Variants in LY75 observed in about 807,000 individuals in gnomAD.
The protein encoded by LY75 is C-type lectin domain family 13 member B.
Under a neutral mutation model 231.7 loss-of-function variants are expected in LY75, and 185 were observed. The ratio of observed to expected loss-of-function variants is 0.80; its 90% confidence interval spans 0.71 to 0.90. LY75 has a LOEUF of 0.90. LY75 is among the 40% of genes least tolerant of loss of function. The pLI is 0.00. For synonymous variants in LY75, 668 were observed against 689.0 expected (o/e 0.97, Z 0.48); for missense variants, 1,947 against 2,050.2 (o/e 0.95, Z 0.97).
At chr2:159,869,114 A>G (rs1684935782) in intron 13 of LY75, among the ~76,000 whole-genome samples, 1 of 152,134 alleles carries the variant, frequency 6.6e-6, no homozygotes, top group Non-Finnish European at 1.5e-5. Context: ...ACACTTGGAC[A>G]CAGGGCGGGG....
chr2:159,857,761 G>A (rs959895826), intron 16 of LY75, among the ~76,000 whole-genome samples: 1 of 152,084 alleles, frequency 6.6e-6, no homozygotes, highest in Non-Finnish European at 1.5e-5. Context: ...ATAATAATTT[G>A]AGAATTAAAG....
rs1027122873 is a variant in LY75 at position 159,860,859 on chromosome 2, G to A, written c.2230C>T (p.Gln744Ter). ...CAGTCTCTGATGTCATAATCCTGCT[G>A]AAACTCATTTGGCATGATAATAGTA... ...VSTIIMPNEF[Q>*]QDYDIRDCAA... Residue 744 changes from glutamine to a stop codon, truncating the protein, a stop_gained, in exon 15 of 35, where the codon CAG becomes TAG. Transcript: ENST00000263636. LOFTEE classifies it high-confidence loss of function. The A allele has an allele frequency of 6.2e-7, 1 of 1,613,976 alleles. No homozygotes were observed.
intron 29 of LY75, among the ~76,000 whole-genome samples, chr2:159,818,745 T>C (rs373645791): frequency 6.6e-6 from 1 of 152,108 alleles, no homozygotes; most frequent in Non-Finnish European, 1.5e-5. Context: ...TGTACTATCT[T>C]TGCAACTTTT....
In LY75 at chr2:159,894,106, G is replaced by T. The variant is rs55954720; in HGVS notation, c.467-22C>A. On this transcript the variant is annotated intron_variant, in intron 2 of 34. Transcript: ENST00000263636. Reference sequence around the variant, plus strand: ...ATCTCTGGGTTGGAGAGGAAGTTGGGGAAAAGAGAGTTAAAAACTGGGTAG... The same window carrying T: ...ATCTCTGGGTTGGAGAGGAAGTTGGTGAAAAGAGAGTTAAAAACTGGGTAG... 2.1e-3 allele frequency: 3,228 copies of T among 1,567,032 alleles called. 8 individuals carry two copies. Among genetic ancestry groups the T allele is most frequent in the Non-Finnish European group, 2.6e-3 (2,973 of 1,159,036 alleles).
intron 6 of LY75, among the ~76,000 whole-genome samples, chr2:159,884,030 G>A (rs1196736123): frequency 1.3e-5 from 2 of 152,160 alleles, no homozygotes; most frequent in Non-Finnish European, 2.9e-5. Flanking sequence ...AAAGGTAATT[G>A]AATCATGGGG....
In LY75 at chr2:159,807,133, A is replaced by G; in HGVS notation, c.4830T>C (p.Ser1610=). Reference sequence around the variant, plus strand: ...CTTCTGATCCATCTAACCAACTCCAAGACTGGTCTGAAGAAAGAAATTAAA... The same window carrying G: ...CTTCTGATCCATCTAACCAACTCCAGGACTGGTCTGAAGAAAGAAATTAAA... The part of the protein sequence containing the change: ...LGLSQHSVDQ[S]WSWLDGSEVT... The change falls in exon 34 of 35, where the codon TCT becomes TCC. Residue 1610 remains serine, a synonymous_variant. Coordinates refer to ENST00000263636, the MANE Select transcript of LY75 (RefSeq NM_002349.4). 1 of 1,610,686 alleles carries G rather than the reference A, an allele frequency of 6.2e-7. No homozygotes were observed. Among genetic ancestry groups the G allele is most frequent in the Middle Eastern group, 1.7e-4 (1 of 6,044 alleles).
intron 28 of LY75, among the ~76,000 whole-genome samples, chr2:159,826,798 C>A (rs550081666): frequency 4.6e-5 from 7 of 152,212 alleles, no homozygotes; most frequent in Admixed American, 1.3e-4. Flanking sequence ...TCAGAAATAA[C>A]ACCACACATC....
chr2:159,843,424 T>C (rs1684103019), intron 23 of LY75, among the ~76,000 whole-genome samples: 1 of 151,346 alleles, frequency 6.6e-6, no homozygotes, highest in South Asian at 2.1e-4. Flanking sequence ...ATAATTGTCA[T>C]AACGAAAAAT....
intron 31 of LY75, among the ~76,000 whole-genome samples, chr2:159,811,472 A>T (rs1462992563): frequency 1.3e-5 from 2 of 152,346 alleles, no homozygotes; most frequent in East Asian, 3.9e-4. Flanking sequence ...ACTGGAAAGT[A>T]AATTGTCAAT....
At chr2:159,809,249 A>G (rs1484707319) in intron 32 of LY75, among the ~76,000 whole-genome samples, 1 of 152,182 alleles carries the variant, frequency 6.6e-6, no homozygotes, top group East Asian at 1.9e-4. Flanking sequence ...GGTCTTTGAA[A>G]TACTCTAGGT....
At chr2:159,822,913 GC>G (rs1683342601) in intron 28 of LY75, among the ~76,000 whole-genome samples, 1 of 152,106 alleles carries the variant, frequency 6.6e-6, no homozygotes, top group African/African-American at 2.4e-5. Flanking sequence ...GAAAAGAATA[GC>G]ATGTCCACTC....
At chr2:159,875,676 T>C in intron 11 of LY75, 33 bp from the exon 12 acceptor site, 2 of 1,609,718 alleles carry the variant, frequency 1.2e-6, no homozygotes, top group Non-Finnish European at 1.7e-6. Context: ...AATTAAAAAT[T>C]AAAACGTTAA....
intron 28 of LY75, among the ~76,000 whole-genome samples, chr2:159,829,456 T>C (rs186346251): frequency 6.6e-6 from 1 of 152,346 alleles, no homozygotes; most frequent in Non-Finnish European, 1.5e-5. Context: ...TTTCTATTCA[T>C]GGCCCTGCTA....
intron 23 of LY75, among the ~76,000 whole-genome samples, chr2:159,845,484 C>T (rs1268708404): frequency 1.3e-5 from 2 of 151,076 alleles, no homozygotes; most frequent in Admixed American, 1.3e-4. Context: ...TACAGTCAGC[C>T]CTTCATATCC....
At chr2:159,869,189 A>G (rs1197432860) in intron 13 of LY75, among the ~76,000 whole-genome samples, 1 of 152,036 alleles carries the variant, frequency 6.6e-6, no homozygotes, top group Non-Finnish European at 1.5e-5. Context: ...TAGGAGAAAT[A>G]CCTAATGTAA....
At position 159,880,918 on chromosome 2, in the gene LY75, C is replaced by A. The variant is rs113408865; in HGVS notation, c.1404+165G>T. ...TACCCGCCGCTCACCTCCTGCTGTG[C>A]GGCCCAATTCTTAACAGGTAATGGT... On this transcript the variant is annotated intron_variant, in intron 8 of 34. Transcript: ENST00000263636. Among the ~76,000 whole-genome samples, 18 of 152,312 alleles carry A rather than the reference C, an allele frequency of 1.2e-4. 1 individual carries two copies. Among genetic ancestry groups the A allele is most frequent in the African/African-American group, 3.8e-4 (16 of 41,572 alleles).
intron 27 of LY75, among the ~76,000 whole-genome samples, chr2:159,833,455 C>A (rs1683727940): frequency 6.6e-6 from 1 of 152,164 alleles, no homozygotes; most frequent in African/African-American, 2.4e-5. Context: ...GCCTTCCTTA[C>A]AAACATAGAC....
Position 159,816,812 on chromosome 2 carries a change from A to T in LY75, c.4374T>A (p.Ser1458Arg), listed in dbSNP as rs758778852. The T allele has an allele frequency of 6.2e-7, 1 of 1,613,560 alleles. No homozygotes were observed. Among genetic ancestry groups the T allele is most frequent in the South Asian group, 1.1e-5 (1 of 90,996 alleles). Residue 1458 changes from serine (S) to arginine (R), a missense_variant, in exon 30 of 35, where the codon AGT becomes AGA. Physicochemically the swap from Ser to Arg is moderately radical, Grantham distance 110. Coordinates refer to ENST00000263636, the MANE Select transcript of LY75 (RefSeq NM_002349.4). Reference sequence around the variant, plus strand: ...AAAACGAAGCAAGACTTACATCATGACTTGAGAGCCCAACCCATAGTGGAA... The same window carrying T: ...AAAACGAAGCAAGACTTACATCATGTCTTGAGAGCCCAACCCATAGTGGAA... ...DGFPLWVGLS[S>R]HDGSESSFEW... is the part of the protein sequence containing the mutation.
chr2:159,865,020 C>T, intron 13 of LY75, 100 bp from the exon 14 acceptor site: 1 of 1,069,122 alleles, frequency 9.4e-7, no homozygotes, highest in Non-Finnish European at 1.3e-6. Flanking sequence ...AGCACAGTTT[C>T]AAGCAACATA....
Sources: gnomAD v4.1 joint callset for allele counts (sites outside exome capture counted in the v4.1 genomes callset) on GRCh38, gnomAD v4.1.1 for gene constraint, MANE v1.5 for transcripts, NCBI Gene and HGNC (gene_info 2026-07-23, HGNC 2026-07-21) for gene names.